The following CELF2 variants were observed in gnomAD, a reference collection of about 807,000 sequenced individuals.
CELF2 encodes the protein CUG triplet repeat RNA-binding protein 2.
CELF2 carries 8 observed loss-of-function variants against 62.6 expected under a neutral mutation model. The observed-to-expected ratio is 0.13, with a 90% confidence interval of 0.07 to 0.23. The LOEUF (loss-of-function observed/expected upper bound fraction) is 0.23. CELF2 is among the 10% of genes least tolerant of loss of function. The probability of loss-of-function intolerance (pLI) is 1.00; values close to 1 mark genes in which losing one functional copy is unlikely to be tolerated. For synonymous variants in CELF2, 258 were observed against 250.0 expected (o/e 1.03, Z -0.30); for missense variants, 333 against 671.0 (o/e 0.50, Z 5.56).
chr10:11,169,756 G>A (rs547515596), intron 2 of CELF2, among the ~76,000 whole-genome samples: 2 of 152,316 alleles, frequency 1.3e-5, no homozygotes, highest in East Asian at 3.9e-4. Context: ...GTCTGTCATG[G>A]GAATGGAAGG....
At chr10:10,946,522 T>C (rs2135588129) in intron 2 of CELF2, 2 of 152,708 alleles carry the variant, frequency 1.3e-5, no homozygotes, top group East Asian at 3.9e-4. Context: ...CCCTTTTCTT[T>C]CCCTGCAAAT....
the CELF2 span, among the ~76,000 whole-genome samples, chr10:10,720,244 T>G: frequency 1.3e-5 from 2 of 152,240 alleles, no homozygotes; most frequent in Non-Finnish European, 2.9e-5. Context: ...AATAAGTTTT[T>G]AAAATATGAT....
chr10:11,031,981 TCC>T (rs2060185287), intron 1 of CELF2, among the ~76,000 whole-genome samples: 1 of 151,950 alleles, frequency 6.6e-6, no homozygotes, highest in Admixed American at 6.6e-5. Context: ...CTCACACAAG[TCC>T]TCTATTTCCA....
chr10:11,132,423 C>T (rs375562121), intron 1 of CELF2, among the ~76,000 whole-genome samples: 3 of 152,194 alleles, frequency 2.0e-5, no homozygotes, highest in East Asian at 3.9e-4. Context: ...ATATTTTCAT[C>T]CCAGTGAAGG....
intron 3 of CELF2, among the ~76,000 whole-genome samples, chr10:11,228,935 G>C (rs4750030): frequency 0.99 from 150,084 of 152,314 alleles, 73,985 homozygotes; most frequent in East Asian, 1. Flanking sequence ...AGTCGGTTCT[G>C]GTTTCTTTGA....
At chr10:10,500,099 A>G in the CELF2 span, among the ~76,000 whole-genome samples, 1 of 152,206 alleles carries the variant, frequency 6.6e-6, no homozygotes, top group Non-Finnish European at 1.5e-5. Flanking sequence ...CGAAGCTTCT[A>G]ACTGTCTTAA....
chr10:10,926,143 GGT>G (rs959809816), intron 2 of CELF2, among the ~76,000 whole-genome samples: 1 of 152,100 alleles, frequency 6.6e-6, no homozygotes, highest in Non-Finnish European at 1.5e-5. Context: ...GAAGGCCCAG[GGT>G]GAATTCAGAG....
At chr10:11,310,323 G>A (rs1164899238) in intron 9 of CELF2, among the ~76,000 whole-genome samples, 1 of 152,214 alleles carries the variant, frequency 6.6e-6, no homozygotes, top group Non-Finnish European at 1.5e-5. Context: ...TACCTGCCCA[G>A]GGTAGAGCTT....
At chr10:11,304,128 A>G (rs1015905656) in intron 9 of CELF2, among the ~76,000 whole-genome samples, 10 of 151,900 alleles carry the variant, frequency 6.6e-5, no homozygotes, top group African/African-American at 7.3e-5. Flanking sequence ...AACCCAGCAG[A>G]CTCACTGGGC....
rs148935763 is a variant in CELF2 at position 10,836,339 on chromosome 10, C to A, written c.53+37522C>A. 2.8e-3 allele frequency among the ~76,000 whole-genome samples: 419 copies of A among 152,236 alleles called. 2 individuals are homozygous for A. Among genetic ancestry groups the A allele is most frequent in the South Asian group, 0.013 (61 of 4,820 alleles). ...GGAAGATCCAGGAAGGGTGGTGTTA[C>A]GGACACTGATAGAAAACTTTGTTTC... is the stretch of plus-strand genomic sequence containing the variant. On this transcript the variant is annotated intron_variant, in intron 1 of 13. Coordinates refer to the CELF2 transcript ENST00000636488.
At chr10:11,154,177 CTTTTA>C (rs2063857275) in intron 1 of CELF2, among the ~76,000 whole-genome samples, 1 of 152,118 alleles carries the variant, frequency 6.6e-6, no homozygotes, top group Non-Finnish European at 1.5e-5. Flanking sequence ...CATAATTCTA[CTTTTA>C]TTTGTTTAGG....
the CELF2 span, among the ~76,000 whole-genome samples, chr10:10,641,472 T>G: frequency 2.6e-5 from 4 of 152,216 alleles, no homozygotes; most frequent in South Asian, 8.3e-4. Context: ...CAAAGTTTTG[T>G]TCTTCTTGTC....
the CELF2 span, among the ~76,000 whole-genome samples, chr10:10,561,975 C>T: frequency 1.1e-4 from 16 of 152,096 alleles, no homozygotes; most frequent in South Asian, 4.1e-4. Flanking sequence ...GAGAGTGATG[C>T]GATACCAGGA....
In CELF2 at chr10:11,062,064, G is replaced by A. The variant is rs150941073; in HGVS notation, c.74+43901G>A. 5.4e-3 allele frequency among the ~76,000 whole-genome samples: 825 copies of A among 152,290 alleles called. 2 individuals are homozygous for A. Among genetic ancestry groups the A allele is most frequent in the South Asian group, 0.012 (56 of 4,816 alleles). Reference sequence around the variant, plus strand: ...TGACCTCAGGTGATCTGCCCTCCTCGGCCTCCCAAAGTGCTGGGATTACAG... The same window carrying A: ...TGACCTCAGGTGATCTGCCCTCCTCAGCCTCCCAAAGTGCTGGGATTACAG... On this transcript the variant is annotated intron_variant, in intron 1 of 12. Transcript: ENST00000633077.
chr10:10,804,463 A>C lies in CELF2; in HGVS notation c.53+5646A>C, dbSNP rs117205635. On this transcript the variant is annotated intron_variant, in intron 1 of 13. Coordinates refer to the CELF2 transcript ENST00000636488. ...AGTTGGAGGGATGCTTTCAAATCTC[A>C]TACGACAAGGCAAATATCAAAAACT... 2.7e-4 allele frequency among the ~76,000 whole-genome samples: 41 copies of C among 152,352 alleles called. No homozygotes were observed. In the East Asian group the frequency reaches 6.8e-3, roughly 25 times the overall value.
At chr10:10,956,220 A>T (rs567012996) in intron 2 of CELF2, among the ~76,000 whole-genome samples, 4 of 152,342 alleles carry the variant, frequency 2.6e-5, no homozygotes, top group African/African-American at 9.6e-5. Context: ...CTGCCACAAA[A>T]CTACCCTTAA....
rs547088135 is a variant in CELF2, at chr10:11,295,544, A to G, written c.976+6992A>G. On this transcript the variant is annotated intron_variant, in intron 9 of 12. Coordinates refer to ENST00000633077, the MANE Select transcript of CELF2 (RefSeq NM_001326342.2). Reference sequence around the variant, plus strand: ...TTCTTCCTCTCCTTTGAGCTGTACCATCTTTCTGTGTGTTTGGTGCAGCAG... The same window carrying G: ...TTCTTCCTCTCCTTTGAGCTGTACCGTCTTTCTGTGTGTTTGGTGCAGCAG... Among the ~76,000 whole-genome samples, 13 of 152,320 alleles carry G rather than the reference A, an allele frequency of 8.5e-5. No homozygotes were observed. In the East Asian group the frequency reaches 2.3e-3, roughly 27 times the overall value.
At chr10:10,789,624 T>C in the CELF2 span, among the ~76,000 whole-genome samples, 1 of 152,194 alleles carries the variant, frequency 6.6e-6, no homozygotes, top group African/African-American at 2.4e-5. Flanking sequence ...CATTGTATCA[T>C]TACATATAAT....
chr10:11,173,942 G>A (rs569329672), intron 2 of CELF2, among the ~76,000 whole-genome samples: 5 of 152,288 alleles, frequency 3.3e-5, no homozygotes, highest in African/African-American at 7.2e-5. Context: ...AAATGATGAC[G>A]ATAATGTGTT....
Sources: gnomAD v4.1 joint callset for allele counts (sites outside exome capture counted in the v4.1 genomes callset) on GRCh38, gnomAD v4.1.1 for gene constraint, MANE v1.5 for transcripts, NCBI Gene and HGNC (gene_info 2026-07-23, HGNC 2026-07-21) for gene names.